The following SACM1L variants were observed in gnomAD, a reference collection of about 807,000 sequenced individuals.
SACM1L encodes the protein SAC1 like phosphatidylinositide phosphatase.
SACM1L carries 32 observed loss-of-function variants against 89.5 expected under a neutral mutation model. That is an observed-to-expected ratio of 0.36 (90% CI 0.27 to 0.48). SACM1L has a LOEUF of 0.48. SACM1L is among the 20% of genes least tolerant of loss of function. The probability of loss-of-function intolerance (pLI) is 0.99; values close to 1 mark genes in which losing one functional copy is unlikely to be tolerated. For synonymous variants in SACM1L, 213 were observed against 232.8 expected (o/e 0.92, Z 0.77); for missense variants, 543 against 708.5 (o/e 0.77, Z 2.65).
At chr3:45,716,552 G>A (rs546049882) in intron 7 of SACM1L, among the ~76,000 whole-genome samples, 27 of 152,264 alleles carry the variant, frequency 1.8e-4, no homozygotes, top group Non-Finnish European at 2.9e-4. Flanking sequence ...GGGGGTCAGC[G>A]CACAGGTAGA....
intron 1 of SACM1L, among the ~76,000 whole-genome samples, chr3:45,700,294 A>G (rs184183183): frequency 1.3e-5 from 2 of 152,366 alleles, no homozygotes; most frequent in African/African-American, 4.8e-5. Flanking sequence ...AATTATGGCA[A>G]CTGTCCCCCA....
At chr3:45,721,285 GC>G (rs1698781564) in intron 8 of SACM1L, among the ~76,000 whole-genome samples, 1 of 152,244 alleles carries the variant, frequency 6.6e-6, no homozygotes, top group Non-Finnish European at 1.5e-5. Flanking sequence ...ACTTTGGGAG[GC>G]CGAGGCAGGC....
intron 13 of SACM1L, chr3:45,734,535 C>T (rs1699155363): frequency 6.6e-6 from 1 of 152,086 alleles, no homozygotes; most frequent in Non-Finnish European, 1.5e-5. Context: ...TAGTTCACTG[C>T]AACCTTTAAC....
intron 4 of SACM1L, among the ~76,000 whole-genome samples, chr3:45,708,591 G>A (rs1350208386): frequency 6.6e-6 from 1 of 151,638 alleles, no homozygotes. Flanking sequence ...TATATATCAA[G>A]AAATATATAT....
At chr3:45,739,161 A>G (rs1444851167) in intron 18 of SACM1L, among the ~76,000 whole-genome samples, 1 of 152,154 alleles carries the variant, frequency 6.6e-6, no homozygotes, top group Non-Finnish European at 1.5e-5. Flanking sequence ...CATTGAGGGA[A>G]TTGCCAGAGA....
intron 2 of SACM1L, among the ~76,000 whole-genome samples, chr3:45,703,983 T>C (rs992347707): frequency 4.6e-5 from 7 of 152,130 alleles, no homozygotes; most frequent in African/African-American, 1.4e-4. Flanking sequence ...AAATAAAATA[T>C]ACTTCACTGA....
chr3:45,702,894 T>C (rs987936866), intron 1 of SACM1L, among the ~76,000 whole-genome samples: 6 of 152,232 alleles, frequency 3.9e-5, no homozygotes, highest in Non-Finnish European at 1.5e-5. Context: ...GTAATTTGTT[T>C]TTAAAAATTT....
intron 1 of SACM1L, among the ~76,000 whole-genome samples, chr3:45,697,887 A>G (rs942050481): frequency 6.6e-6 from 1 of 152,186 alleles, no homozygotes; most frequent in African/African-American, 2.4e-5. Flanking sequence ...AACCTTAGAG[A>G]TCTGTTATCA....
intron 1 of SACM1L, among the ~76,000 whole-genome samples, chr3:45,693,932 A>G (rs1280402334): frequency 6.6e-6 from 1 of 152,214 alleles, no homozygotes; most frequent in Non-Finnish European, 1.5e-5. Context: ...GATAAATTTG[A>G]AATTGCAAAA....
chr3:45,707,303 G>A (rs1698421554), intron 4 of SACM1L: 1 of 167,588 alleles, frequency 6.0e-6, no homozygotes, highest in Non-Finnish European at 1.3e-5. Flanking sequence ...ACATGTGAAT[G>A]TAAGTGTGTG....
intron 14 of SACM1L, among the ~76,000 whole-genome samples, chr3:45,736,861 A>G (rs1699210390): frequency 1.3e-5 from 2 of 152,144 alleles, no homozygotes. Context: ...CAGTGAAGGC[A>G]GAGTTCTTAC....
At chr3:45,722,278 C>T (rs1022275485) in intron 9 of SACM1L, among the ~76,000 whole-genome samples, 193 bp downstream of exon 9, 2 of 152,130 alleles carry the variant, frequency 1.3e-5, no homozygotes, top group South Asian at 4.2e-4. Flanking sequence ...CATTTCCTGC[C>T]CTTAAATTAA....
At chr3:45,709,796 T>C (rs559056466) in intron 5 of SACM1L, 149 bp downstream of exon 5, 1 of 668,082 alleles carries the variant, frequency 1.5e-6, no homozygotes, top group South Asian at 2.3e-5. Flanking sequence ...GTTTTAAATA[T>C]ACATCACAAT....
At chr3:45,718,547 C>T (rs1698718517) in intron 7 of SACM1L, among the ~76,000 whole-genome samples, 1 of 152,102 alleles carries the variant, frequency 6.6e-6, no homozygotes. Flanking sequence ...ATGTGTAATT[C>T]AGTGAGTGGC....
chr3:45,708,453 A>G (rs1469405820), intron 4 of SACM1L, among the ~76,000 whole-genome samples: 1 of 152,144 alleles, frequency 6.6e-6, no homozygotes, highest in Non-Finnish European at 1.5e-5. Flanking sequence ...GAATGTTTCT[A>G]GAAGAAAATA....
intron 7 of SACM1L, among the ~76,000 whole-genome samples, chr3:45,714,322 A>G (rs1698598424): frequency 6.6e-6 from 1 of 152,100 alleles, no homozygotes; most frequent in South Asian, 2.1e-4. Context: ...TTGTTTAAAG[A>G]AAAGGAATAT....
At chr3:45,709,078 C>G (rs934977507) in intron 4 of SACM1L, among the ~76,000 whole-genome samples, 20 of 152,196 alleles carry the variant, frequency 1.3e-4, no homozygotes, top group Middle Eastern at 6.8e-3. Context: ...TTATTGGGCC[C>G]GTCGTAAATT....
intron 13 of SACM1L, 102 bp downstream of exon 13, chr3:45,732,253 G>T: frequency 1.8e-6 from 1 of 558,972 alleles, no homozygotes; most frequent in Admixed American, 3.0e-5. Flanking sequence ...CAGTTCACTG[G>T]ATTGTCATTG....
intron 1 of SACM1L, among the ~76,000 whole-genome samples, chr3:45,695,997 C>CTTT (rs56074379): frequency 3.0e-5 from 4 of 134,230 alleles, no homozygotes; most frequent in Non-Finnish European, 6.4e-5. Context: ...TCAGAATTTC[C>CTTT]TTTTTTTTTT....
Sources: allele counts gnomAD v4.1 joint callset (sites outside exome capture counted in the v4.1 genomes callset), GRCh38; gene constraint gnomAD v4.1.1; transcripts MANE v1.5; gene names NCBI Gene and HGNC (gene_info 2026-07-23, HGNC 2026-07-21).